The following PGBD5 variants were observed in gnomAD, a reference collection of about 807,000 sequenced individuals.
PGBD5 encodes the protein piggyBac transposable element derived 5.
In PGBD5, 14 loss-of-function variants were observed where a neutral mutation model predicts 47.9. The observed-to-expected ratio is 0.29, with a 90% CI of 0.19 to 0.46. The LOEUF is 0.46. Ranked by LOEUF, PGBD5 falls within the 20% of genes least tolerant of loss-of-function variation. PGBD5 has a pLI of 1.00. For synonymous variants in PGBD5, 316 were observed against 306.3 expected, an observed-to-expected ratio of 1.03 and a Z score of -0.33; for missense variants, 635 against 716.0, an observed-to-expected ratio of 0.89 and a Z score of 1.29.
intron 1 of PGBD5, among the ~76,000 whole-genome samples, chr1:230,396,564 C>G (rs1276104531): frequency 7.2e-6 from 1 of 139,236 alleles, no homozygotes; most frequent in Non-Finnish European, 1.5e-5. Context: ...TTGTTGCCCC[C>G]CCTCCCCCTG....
intron 1 of PGBD5, among the ~76,000 whole-genome samples, chr1:230,396,547 G>GGGGT (rs1656983051): frequency 7.1e-6 from 1 of 141,222 alleles, no homozygotes; most frequent in African/African-American, 2.7e-5. Flanking sequence ...GACAGCTAAG[G>GGGGT]TACATTTTGT....
intron 3 of PGBD5, among the ~76,000 whole-genome samples, chr1:230,342,186 TC>T (rs151318340): frequency 0.016 from 2,410 of 152,290 alleles, 32 homozygotes; most frequent in South Asian, 0.048. Flanking sequence ...AGCTGCTGAC[TC>T]ACCAGCTGAT....
intron 5 of PGBD5, among the ~76,000 whole-genome samples, chr1:230,325,775 T>TCCTC (rs1283335828): frequency 2.0e-5 from 3 of 152,042 alleles, no homozygotes; most frequent in South Asian, 4.2e-4. Flanking sequence ...CAGGGCTCAC[T>TCCTC]CCTCCCTCCC....
rs141529269 is a variant in PGBD5 at position 230,368,530 on chromosome 1, C to T, written c.332-11209G>A. 3.2e-3 allele frequency among the ~76,000 whole-genome samples: 493 copies of T among 152,348 alleles called. 1 individual carries two copies. Among genetic ancestry groups the T allele is most frequent in the African/African-American group, 0.011 (471 of 41,584 alleles). On this transcript the variant is annotated intron_variant, in intron 1 of 6. Coordinates refer to ENST00000391860, the MANE Select transcript of PGBD5 (RefSeq NM_001258311.2). ...AGAACAGTGTCTGGCCCCTGGGGCG[C>T]CTCTTGCGGAGTGAGTGAATGAGTG...
rs1205913466 is a variant in PGBD5 at position 230,425,010 on chromosome 1, A to G, written c.331+588T>C. Among the ~76,000 whole-genome samples, 1 of 151,624 alleles carries G rather than the reference A, an allele frequency of 6.6e-6. No individual in the cohort carries two copies. Among genetic ancestry groups the G allele is most frequent in the South Asian group, 2.1e-4 (1 of 4,794 alleles). ...CGCTGCCCAATCGGTCCCTTCCTTC[A>G]CTCCTCCCCATTCTTAACAAGAGAT... On this transcript the variant is annotated intron_variant, in intron 1 of 6. Coordinates refer to ENST00000391860, the MANE Select transcript of PGBD5 (RefSeq NM_001258311.2). This position sits in a 1 kb window ranked among gnomAD's most constrained non-coding sequence, Gnocchi z 4.7.
intron 1 of PGBD5, among the ~76,000 whole-genome samples, chr1:230,389,196 G>A (rs1024430593): frequency 8.7e-5 from 13 of 148,754 alleles, no homozygotes; most frequent in African/African-American, 2.7e-4. Flanking sequence ...TTTTTGATAC[G>A]GAGTTTCACT....
intron 3 of PGBD5, among the ~76,000 whole-genome samples, chr1:230,347,823 C>T (rs1179167148): frequency 6.6e-6 from 1 of 152,154 alleles, no homozygotes; most frequent in Non-Finnish European, 1.5e-5. Flanking sequence ...GGGTCAATTA[C>T]AGTGGGTCTC....
At chr1:230,369,679 C>A (rs1369831407) in intron 1 of PGBD5, among the ~76,000 whole-genome samples, 1 of 152,104 alleles carries the variant, frequency 6.6e-6, no homozygotes, top group East Asian at 1.9e-4. Context: ...GGGTCAGAGG[C>A]AGTAGGAAGG....
chr1:230,325,938 C>T (rs1020163508), intron 5 of PGBD5, among the ~76,000 whole-genome samples: 4 of 144,952 alleles, frequency 2.8e-5, no homozygotes, highest in African/African-American at 7.3e-5. Context: ...AGAGTCACCC[C>T]GCACAGAGCA....
rs1666937351 is a variant in PGBD5, at chr1:230,316,018, GTATGTGTA to G, written c.*7399_*7406del. 2 of 131,670 alleles carry G rather than the reference GTATGTGTA, an allele frequency of 1.5e-5. No homozygotes were observed. The highest frequency in any genetic ancestry group is 3.4e-5 in the Non-Finnish European group (2 of 59,364). The allele number at this position is 131,670 out of a possible 1,614,324, so 8.2% of individuals were successfully genotyped here. A position where few individuals can be genotyped will look rare whatever the true frequency, so the allele number is the denominator to read the frequency against. On this transcript the variant is annotated 3_prime_UTR_variant, in exon 7 of 7. Transcript: ENST00000391860. Reference sequence around the variant, plus strand: ...CATAAGTATATGTGTACACATATATGTATGTGTATACATACATAAGTATATGTGTACAC... The same window carrying G: ...CATAAGTATATGTGTACACATATATGTACATACATAAGTATATGTGTACAC...
rs371374137 is a variant in PGBD5 at position 230,333,015 on chromosome 1, C to A, written c.1102G>T (p.Ala368Ser). 1.0e-5 allele frequency: 16 copies of A among 1,605,940 alleles called. No individual in the cohort carries two copies. The highest frequency in any genetic ancestry group is 1.7e-5 in the Admixed American group (1 of 57,872). ...AGGCCGGTGCAGTCACTCTTCCGCG[C>A]GCGGAGCAAGCCGCAGCAGTAAATC... is the stretch of plus-strand genomic sequence containing the variant. ...QGIYCCGLLRARKSDCTGLPL... is the reference protein window; with the variant it reads ...QGIYCCGLLRSRKSDCTGLPL... The change falls in exon 5 of 7, where the codon GCG becomes TCG. Residue 368 changes from alanine (A) to serine (S), a missense_variant. Transcript: ENST00000391860.
chr1:230,379,026 TAGGGGGAGCCTA>T (rs1668055468), intron 1 of PGBD5, among the ~76,000 whole-genome samples: 1 of 152,152 alleles, frequency 6.6e-6, no homozygotes, highest in Non-Finnish European at 1.5e-5. Flanking sequence ...CCCCAAGGAC[TAGGGGGAGCCTA>T]AGGGAACCCA....
chr1:230,402,184 G>A (rs191830013), intron 1 of PGBD5, among the ~76,000 whole-genome samples: 1 of 152,310 alleles, frequency 6.6e-6, no homozygotes, highest in East Asian at 1.9e-4. Flanking sequence ...TTTCTTGTGA[G>A]CTACAGATTC....
intron 1 of PGBD5, among the ~76,000 whole-genome samples, chr1:230,378,645 C>T (rs146458921): frequency 6.6e-6 from 1 of 152,342 alleles, no homozygotes; most frequent in Non-Finnish European, 1.5e-5. Flanking sequence ...TCTGTAAACC[C>T]TGCAAGGACA....
rs189387218 is a variant in PGBD5, at chr1:230,394,524, C to T, written c.331+31074G>A. ...TCTTCCCATCCCCAAGCTCCTTTCA[C>T]TCCCTGCCCTCCTCTCCTAACCCCA... is the stretch of plus-strand genomic sequence containing the variant. On this transcript the variant is annotated intron_variant, in intron 1 of 6. Transcript: ENST00000391860. Among the ~76,000 whole-genome samples, 13 of 148,632 alleles carry T rather than the reference C, an allele frequency of 8.7e-5. No homozygotes were observed. The East Asian group carries it at 2.4e-3, about 28-fold the overall frequency.
intron 1 of PGBD5, among the ~76,000 whole-genome samples, chr1:230,417,659 TCCAGAAATGCCGCCTCTTCTCCAAC>T (rs1380157019): frequency 6.6e-6 from 1 of 152,150 alleles, no homozygotes; most frequent in Non-Finnish European, 1.5e-5. Context: ...GGCCACCTCC[TCCAGAAATGCCGCCTCTTCTCCAAC>T]CCAGCTGGAG....
chr1:230,340,672 T>C (rs551186368), intron 3 of PGBD5, among the ~76,000 whole-genome samples: 1 of 152,068 alleles, frequency 6.6e-6, no homozygotes, highest in Non-Finnish European at 1.5e-5. Flanking sequence ...GAATTTGCAG[T>C]ATCTTTGGGT....
At position 230,375,592 on chromosome 1, in the gene PGBD5, G is replaced by C. The variant is rs913674937; in HGVS notation, c.332-18271C>G. On this transcript the variant is annotated intron_variant, in intron 1 of 6. Coordinates refer to ENST00000391860, the MANE Select transcript of PGBD5 (RefSeq NM_001258311.2). ...TAATCCCTTATATGCAAAATAAATA[G>C]ATGGTCAGGTTAGATTTTGACTTTT... 6.0e-5 allele frequency among the ~76,000 whole-genome samples: 9 copies of C among 149,682 alleles called. No individual in the cohort carries two copies. In the East Asian group the frequency reaches 1.4e-3, roughly 23 times the overall value.
chr1:230,403,653 C>T (rs1036563325), intron 1 of PGBD5, among the ~76,000 whole-genome samples: 19 of 152,190 alleles, frequency 1.2e-4, no homozygotes, highest in Non-Finnish European at 2.6e-4. Context: ...CAGCAGGTGG[C>T]GCTGCAAGTC....
Sources: allele counts gnomAD v4.1 joint callset (sites outside exome capture counted in the v4.1 genomes callset), GRCh38; gene constraint gnomAD v4.1.1; non-coding constraint Gnocchi (gnomAD v3.1); transcripts MANE v1.5; gene names NCBI Gene and HGNC (gene_info 2026-07-23, HGNC 2026-07-21).